NRG3: variants seen among roughly 807,000 people sequenced by gnomAD.
NRG3 encodes neuregulin 3.
A neutral mutation model predicts 66.9 loss-of-function variants in NRG3; 31 were observed. The ratio of observed to expected loss-of-function variants is 0.46; its 90% CI spans 0.35 to 0.63. NRG3 has a LOEUF of 0.63. Among genes scored for constraint, NRG3 ranks in the 20% least tolerant of loss-of-function variants. The pLI is 0.00. For missense variants in NRG3, 910 were observed against 878.9 expected (o/e 1.04, Z -0.45); for synonymous variants, 393 against 359.4 (o/e 1.09, Z -1.06).
At chr10:82,890,058 AT>A (rs1336599604) in intron 4 of NRG3, among the ~76,000 whole-genome samples, 1 of 151,752 alleles carries the variant, frequency 6.6e-6, no homozygotes, top group African/African-American at 2.4e-5. Flanking sequence ...AATAGACTCT[AT>A]TCTCATGCTA....
At chr10:82,537,942 T>G (rs2043273987) in intron 2 of NRG3, among the ~76,000 whole-genome samples, 1 of 152,122 alleles carries the variant, frequency 6.6e-6, no homozygotes, top group African/African-American at 2.4e-5. Context: ...TGCCTCAGAT[T>G]TGGGCAGGGT....
chr10:82,531,107 C>T (rs1040386644), intron 2 of NRG3, among the ~76,000 whole-genome samples: 10 of 151,456 alleles, frequency 6.6e-5, no homozygotes, highest in African/African-American at 2.4e-4. Flanking sequence ...CAAATTGTTG[C>T]AACAATTTTA....
At chr10:82,461,322 CCACCACCACCACCAT>C (rs769664634) in intron 2 of NRG3, among the ~76,000 whole-genome samples, 45 of 151,952 alleles carry the variant, frequency 3.0e-4, no homozygotes, top group South Asian at 8.3e-4. Context: ...AACACCATCA[CCACCACCACCACCAT>C]CACCACCACC....
intron 2 of NRG3, among the ~76,000 whole-genome samples, chr10:82,377,496 C>T (rs2085331453): frequency 6.6e-6 from 1 of 151,882 alleles, no homozygotes; most frequent in South Asian, 2.1e-4. Context: ...GCCTGCCCGA[C>T]AAGGGATAAC....
chr10:82,654,453 T>A (rs935847012), intron 2 of NRG3, among the ~76,000 whole-genome samples: 18 of 152,208 alleles, frequency 1.2e-4, no homozygotes, highest in Admixed American at 3.9e-4. Flanking sequence ...CAGCATGCAA[T>A]GTGTAATCTT....
intron 4 of NRG3, among the ~76,000 whole-genome samples, chr10:82,867,928 C>A (rs760923411): frequency 2.0e-5 from 3 of 152,170 alleles, no homozygotes; most frequent in Non-Finnish European, 4.4e-5. Flanking sequence ...AGCATCAGTA[C>A]TCATTTTGAA....
chr10:82,189,950 G>A (rs2074036757), intron 1 of NRG3, among the ~76,000 whole-genome samples: 3 of 151,884 alleles, frequency 2.0e-5, no homozygotes, highest in Admixed American at 6.6e-5. Context: ...ACAACAGAGC[G>A]AGACCCCGCC....
intron 1 of NRG3, among the ~76,000 whole-genome samples, chr10:82,319,423 C>T (rs1206115273): frequency 1.3e-5 from 2 of 152,190 alleles, no homozygotes; most frequent in Non-Finnish European, 2.9e-5. Context: ...GCCTAAATTC[C>T]GCCGAAAGGC....
At chr10:82,619,285 G>A (rs901668621) in intron 2 of NRG3, among the ~76,000 whole-genome samples, 3 of 152,154 alleles carry the variant, frequency 2.0e-5, no homozygotes, top group African/African-American at 4.8e-5. Context: ...ATATGGGGCA[G>A]GGGAGCCTTT....
At chr10:82,856,635 T>G (rs1016052245) in intron 3 of NRG3, among the ~76,000 whole-genome samples, 2 of 149,634 alleles carry the variant, frequency 1.3e-5, no homozygotes, top group Admixed American at 6.7e-5. Context: ...TCCCAGCTAC[T>G]TGGGGGGCTG....
At chr10:82,434,016 T>A (rs1321092631) in intron 2 of NRG3, among the ~76,000 whole-genome samples, 1 of 152,190 alleles carries the variant, frequency 6.6e-6, no homozygotes, top group African/African-American at 2.4e-5. Flanking sequence ...GGGAATAACA[T>A]TGAATCTATA....
intron 1 of NRG3, among the ~76,000 whole-genome samples, chr10:82,276,948 T>G (rs1280577118): frequency 2.0e-5 from 3 of 152,070 alleles, no homozygotes; most frequent in Non-Finnish European, 4.4e-5. Flanking sequence ...TTTAATTTCC[T>G]GAAGTGTCTT....
At chr10:82,364,381 A>G (rs2084387537) in intron 2 of NRG3, among the ~76,000 whole-genome samples, 2 of 152,210 alleles carry the variant, frequency 1.3e-5, no homozygotes, top group South Asian at 4.1e-4. Flanking sequence ...AGGTAGATAC[A>G]CCCCATAGAA....
intron 1 of NRG3, among the ~76,000 whole-genome samples, chr10:82,041,462 T>C (rs370817168): frequency 6.6e-6 from 1 of 152,042 alleles, no homozygotes; most frequent in Admixed American, 6.6e-5. Context: ...CTTGTAAATC[T>C]GCCTCATTCT....
intron 1 of NRG3, among the ~76,000 whole-genome samples, chr10:82,092,944 T>C (rs1175691292): frequency 6.6e-6 from 1 of 152,150 alleles, no homozygotes; most frequent in African/African-American, 2.4e-5. Context: ...ATTACTTGTC[T>C]TTTTTCTTTC....
At chr10:82,352,733 G>T (rs1433808365) in intron 1 of NRG3, among the ~76,000 whole-genome samples, 2 of 152,116 alleles carry the variant, frequency 1.3e-5, no homozygotes, top group Non-Finnish European at 2.9e-5. Context: ...TTAAACAATT[G>T]TGGCTTGTGT....
chr10:82,596,424 A>G (rs1259754765), intron 2 of NRG3, among the ~76,000 whole-genome samples: 3 of 152,206 alleles, frequency 2.0e-5, no homozygotes, highest in Non-Finnish European at 4.4e-5. Context: ...ACTCTGGGTA[A>G]CTTCGGTGTC....
At chr10:82,958,259 G>A (rs947076266) in intron 5 of NRG3, among the ~76,000 whole-genome samples, 1 of 152,126 alleles carries the variant, frequency 6.6e-6, no homozygotes, top group African/African-American at 2.4e-5. Context: ...TCAAACAAAT[G>A]GCTTAGCTTC....
chr10:82,791,000 A>C (rs1252362156), intron 3 of NRG3, among the ~76,000 whole-genome samples: 1 of 151,850 alleles, frequency 6.6e-6, no homozygotes, highest in South Asian at 2.1e-4. Context: ...AATTATTTAG[A>C]TATGAAGTCC....
Sources: gnomAD v4.1 joint callset for allele counts (sites outside exome capture counted in the v4.1 genomes callset) on GRCh38, gnomAD v4.1.1 for gene constraint, MANE v1.5 for transcripts, NCBI Gene and HGNC (gene_info 2026-07-23, HGNC 2026-07-21) for gene names.